TMLHE: variants seen among roughly 807,000 people sequenced by gnomAD.
The protein encoded by TMLHE is trimethyllysine hydroxylase, epsilon.
TMLHE carries 18 observed loss-of-function variants against 25.7 expected under a neutral mutation model. The ratio of observed to expected loss-of-function variants is 0.70; its 90% CI spans 0.48 to 1.04. The LOEUF is 1.04. TMLHE is among the 50% of genes least tolerant of loss of function. The pLI is 0.00. For missense variants in TMLHE, 236 were observed against 259.0 expected (o/e 0.91, Z 0.61); for synonymous variants, 105 against 97.0 (o/e 1.08, Z -0.49).
chrX:155,577,852 C>T (rs1007848762), intron 1 of TMLHE, among the ~76,000 whole-genome samples: 27 of 111,433 alleles, frequency 2.4e-4, no homozygotes, highest in African/African-American at 6.8e-4. Context: ...ACTCTGAGGA[C>T]GAATCCCATC....
chrX:155,568,545 G>T (rs1557342435), intron 1 of TMLHE, among the ~76,000 whole-genome samples: 1 of 62,440 alleles, frequency 1.6e-5, no homozygotes, highest in African/African-American at 3.6e-5. Flanking sequence ...GTGGGTCCCT[G>T]ACCCCTGACC....
intron 1 of TMLHE, among the ~76,000 whole-genome samples, chrX:155,574,034 C>T (rs1382374540): frequency 1.9e-5 from 2 of 106,852 alleles, no homozygotes; most frequent in Admixed American, 9.9e-5. Flanking sequence ...CACACACACA[C>T]GAAACTCATA....
At chrX:155,556,321 TTC>T (rs2067454848) in intron 1 of TMLHE, among the ~76,000 whole-genome samples, 1 of 111,776 alleles carries the variant, frequency 8.9e-6, no homozygotes, top group African/African-American at 3.3e-5. Flanking sequence ...ACACCTGGAC[TTC>T]TGTCCTATTA....
At chrX:155,580,331 A>T (rs2067618085) in intron 1 of TMLHE, among the ~76,000 whole-genome samples, 1 of 110,450 alleles carries the variant, frequency 9.1e-6, no homozygotes. Flanking sequence ...ACTAAAAAGT[A>T]AAAAAAAACA....
chrX:155,506,947 C>G lies in TMLHE; in HGVS notation c.946G>C (p.Gly316Arg). The change falls in exon 6 of 8, where the codon GGG (glycine) becomes CGG (arginine). Residue 316 changes from glycine to arginine, a missense_variant. By Grantham distance (125) the Gly-to-Arg change is moderately radical (BLOSUM62 -2). Coordinates refer to ENST00000334398, the MANE Select transcript of TMLHE (RefSeq NM_018196.4). ...CATGGGTAGATATTTAAGACTGGCC[C>G]AATCCCAATCATGTGGTTGTGACAT... ...GECHNHMIGI[G>R]PVLNIYPWNK... 1.7e-6 allele frequency: 2 copies of G among 1,209,684 alleles called. No homozygotes were observed. The highest frequency in any genetic ancestry group is 2.2e-6 in the Non-Finnish European group (2 of 894,337).
intron 2 of TMLHE, among the ~76,000 whole-genome samples, chrX:155,537,209 G>A (rs1199642351): frequency 8.9e-6 from 1 of 111,957 alleles, no homozygotes; most frequent in African/African-American, 3.3e-5. Flanking sequence ...GGATCATCAG[G>A]AGAGCAAGAC....
chrX:155,540,459 A>G (rs1334236414), intron 2 of TMLHE, among the ~76,000 whole-genome samples: 1 of 110,627 alleles, frequency 9.0e-6, no homozygotes, highest in African/African-American at 3.3e-5. Flanking sequence ...TCTAAAATGA[A>G]GGAGAGATTA....
At chrX:155,534,700 CTT>C (rs1213731657) in intron 2 of TMLHE, among the ~76,000 whole-genome samples, 1 of 111,580 alleles carries the variant, frequency 9.0e-6, no homozygotes, top group Non-Finnish European at 1.9e-5. Flanking sequence ...TTAGTTGAGA[CTT>C]TGGAATTTTC....
In TMLHE at chrX:155,524,446, G is replaced by C; in HGVS notation, c.358+10C>G. On this transcript the variant is annotated intron_variant, in intron 3 of 7. Coordinates refer to ENST00000334398, the MANE Select transcript of TMLHE (RefSeq NM_018196.4). ...ACCCCCAAAGAAGATCAAGTCTCCTGTCCACTCACAAGTGAAAAAGAGTGT... is the reference window on the plus strand; with the variant it reads ...ACCCCCAAAGAAGATCAAGTCTCCTCTCCACTCACAAGTGAAAAAGAGTGT... 8.8e-7 allele frequency: 1 copy of C among 1,141,273 alleles called. No homozygotes were observed. The highest frequency in any genetic ancestry group is 1.2e-6 in the Non-Finnish European group (1 of 855,828). The allele number at this position is 1,141,273 out of a possible 1,213,427, so 94.1% of individuals were successfully genotyped here.
intron 1 of TMLHE, among the ~76,000 whole-genome samples, chrX:155,548,538 AGCCT>A (rs1396471495): frequency 2.7e-5 from 3 of 109,660 alleles, no homozygotes; most frequent in Middle Eastern, 4.7e-3. Context: ...GTATGAGGCC[AGCCT>A]GACTAACATG....
At chrX:155,563,054 C>T (rs184254794) in intron 1 of TMLHE, among the ~76,000 whole-genome samples, 773 of 62,354 alleles carry the variant, frequency 0.012, 106 homozygotes, top group African/African-American at 0.025. Flanking sequence ...CTGTTCCAAC[C>T]TGTGCCCACT....
chrX:155,596,481 A>T (rs1557346517), intron 1 of TMLHE, among the ~76,000 whole-genome samples: 1 of 111,281 alleles, frequency 9.0e-6, no homozygotes, highest in African/African-American at 3.3e-5. Flanking sequence ...GGCTCATTAC[A>T]CCCAGTACTC....
At chrX:155,515,495 C>T (rs892302351) in intron 3 of TMLHE, among the ~76,000 whole-genome samples, 37 of 110,362 alleles carry the variant, frequency 3.4e-4, no homozygotes, top group Non-Finnish European at 5.7e-4. Context: ...CTTAAAAGTT[C>T]GTATCTTTGT....
intron 1 of TMLHE, among the ~76,000 whole-genome samples, chrX:155,556,126 C>T (rs1012787697): frequency 2.4e-4 from 22 of 92,795 alleles, no homozygotes; most frequent in Non-Finnish European, 1.2e-4. Flanking sequence ...GAGATAACTA[C>T]GTGGCAAGTA....
chrX:155,560,508 T>TAATATATAAAAACTTTA (rs1557341656), intron 1 of TMLHE, among the ~76,000 whole-genome samples: 7 of 91,432 alleles, frequency 7.7e-5, no homozygotes, highest in African/African-American at 1.4e-4. Context: ...AGCAGTGTGC[T>TAATATATAAAAACTTTA]GGAAGTTGGA....
At chrX:155,531,749 G>A (rs1247663067) in intron 2 of TMLHE, among the ~76,000 whole-genome samples, 1 of 111,747 alleles carries the variant, frequency 8.9e-6, no homozygotes, top group Non-Finnish European at 1.9e-5. Flanking sequence ...AACTATATCA[G>A]GAATTCCCAA....
intron 5 of TMLHE, among the ~76,000 whole-genome samples, chrX:155,508,755 C>T (rs1557333030): frequency 9.1e-6 from 1 of 110,216 alleles, no homozygotes. Flanking sequence ...TTGCTGGTGA[C>T]GTTAGAGAGA....
At chrX:155,591,296 TGAAGAAA>T (rs1441944989) in intron 1 of TMLHE, among the ~76,000 whole-genome samples, 1 of 111,272 alleles carries the variant, frequency 9.0e-6, no homozygotes, top group Non-Finnish European at 1.9e-5. Flanking sequence ...AGAAAATCAG[TGAAGAAA>T]TAAAAGACTT....
chrX:155,610,514 A>G (rs782213291), intron 1 of TMLHE, among the ~76,000 whole-genome samples: 12 of 111,851 alleles, frequency 1.1e-4, no homozygotes, highest in Admixed American at 1.0e-3. Context: ...GTGAGCATCA[A>G]GAAAAAAAGA....
Sources: gnomAD v4.1 joint callset for allele counts (sites outside exome capture counted in the v4.1 genomes callset) on GRCh38, gnomAD v4.1.1 for gene constraint, MANE v1.5 for transcripts, NCBI Gene and HGNC (gene_info 2026-07-23, HGNC 2026-07-21) for gene names.